The following TEAD1 variants were observed in gnomAD, a reference collection of about 807,000 sequenced individuals.
TEAD1 encodes the protein transcriptional enhancer factor TEF-1.
Under a neutral mutation model 54.9 loss-of-function variants are expected in TEAD1, and 9 were observed. That is an observed-to-expected ratio of 0.16 (90% CI 0.10 to 0.29). The LOEUF (loss-of-function observed/expected upper bound fraction) is 0.29, where lower values mean the gene tolerates loss of function less well. TEAD1 is among the 10% of genes least tolerant of loss of function. The pLI, the probability that TEAD1 is intolerant of heterozygous loss-of-function variation, is 1.00. For missense variants in TEAD1, 387 were observed against 535.9 expected, an observed-to-expected ratio of 0.72 and a Z score of 2.74; for synonymous variants, 200 against 187.8, an observed-to-expected ratio of 1.07 and a Z score of -0.53.
intron 5 of TEAD1, chr11:12,879,001 C>A: frequency 1.0e-6 from 1 of 978,102 alleles, no homozygotes; most frequent in Non-Finnish European, 1.4e-6. Context: ...CTAGAAAAGA[C>A]CCGTTCAGGA....
At chr11:12,778,402 G>C (rs763146895) in intron 3 of TEAD1, among the ~76,000 whole-genome samples, 1 of 151,920 alleles carries the variant, frequency 6.6e-6, no homozygotes, top group African/African-American at 2.4e-5. Flanking sequence ...AACTCCTACT[G>C]GTCGTTAAAA....
At chr11:12,725,306 C>T (rs896746168) in intron 2 of TEAD1, among the ~76,000 whole-genome samples, 2 of 152,196 alleles carry the variant, frequency 1.3e-5, no homozygotes, top group African/African-American at 4.8e-5. Flanking sequence ...CCTGACCTTA[C>T]AATTTCTTTA....
chr11:12,731,383 A>G (rs1257365021), intron 2 of TEAD1, among the ~76,000 whole-genome samples: 4 of 152,220 alleles, frequency 2.6e-5, no homozygotes, highest in South Asian at 2.1e-4. Flanking sequence ...GTATCACACT[A>G]CTACTTAGTC....
At chr11:12,768,356 A>C (rs1392732585) in intron 3 of TEAD1, among the ~76,000 whole-genome samples, 1 of 152,250 alleles carries the variant, frequency 6.6e-6, no homozygotes, top group Non-Finnish European at 1.5e-5. Context: ...GCAATGTTTG[A>C]ACTGTATCTA....
At chr11:12,692,593 C>A (rs1190668519) in intron 2 of TEAD1, among the ~76,000 whole-genome samples, 1 of 151,762 alleles carries the variant, frequency 6.6e-6, no homozygotes, top group Non-Finnish European at 1.5e-5. Flanking sequence ...GGGTTTATTT[C>A]CCCCCCGCCC....
At chr11:12,684,061 C>A (rs1398302508) in intron 2 of TEAD1, among the ~76,000 whole-genome samples, 1 of 152,044 alleles carries the variant, frequency 6.6e-6, no homozygotes, top group Non-Finnish European at 1.5e-5. Flanking sequence ...GCCAAGTCAC[C>A]CTGGACAGTG....
Position 12,689,055 on chromosome 11 carries a change from A to C in TEAD1, c.-55+13494A>C, listed in dbSNP as rs201826283. 3.3e-5 allele frequency among the ~76,000 whole-genome samples: 5 copies of C among 150,082 alleles called. No homozygotes were observed. The East Asian group carries it at 9.7e-4, about 29-fold the overall frequency. On this transcript the variant is annotated intron_variant, in intron 2 of 12. Transcript: ENST00000527636. ...TGTTTATTTGTTTGTTTTGTTTTTA[A>C]ATTTTTAGTTTGACAGGCTATTTCC...
chr11:12,800,302 C>G (rs1343433164), intron 3 of TEAD1, among the ~76,000 whole-genome samples: 1 of 152,222 alleles, frequency 6.6e-6, no homozygotes, highest in Non-Finnish European at 1.5e-5. Flanking sequence ...TACCTCTTAG[C>G]TTTGTGATCT....
intron 2 of TEAD1, among the ~76,000 whole-genome samples, chr11:12,683,428 G>A (rs1943266596): frequency 6.6e-6 from 1 of 152,108 alleles, no homozygotes. Context: ...ATATTTTTTA[G>A]GAGCATGGAT....
At chr11:12,788,245 C>T (rs981247051) in intron 3 of TEAD1, among the ~76,000 whole-genome samples, 4 of 151,744 alleles carry the variant, frequency 2.6e-5, no homozygotes, top group African/African-American at 7.3e-5. Context: ...CAAGCAATTC[C>T]CCTGTCTCAC....
chr11:12,829,274 T>TG (rs1284298572), intron 3 of TEAD1, among the ~76,000 whole-genome samples: 1 of 152,200 alleles, frequency 6.6e-6, no homozygotes, highest in Non-Finnish European at 1.5e-5. Flanking sequence ...CCAAGGCAAT[T>TG]GTTCAAAACA....
intron 10 of TEAD1, 94 bp downstream of exon 10, chr11:12,902,207 C>T (rs1018111550): frequency 1.3e-6 from 2 of 1,494,034 alleles, no homozygotes; most frequent in African/African-American, 1.4e-5. Context: ...TTTGGATTTA[C>T]ACTGAGTGCA....
intron 2 of TEAD1, among the ~76,000 whole-genome samples, chr11:12,753,135 C>T (rs1590115957): frequency 6.6e-6 from 1 of 151,904 alleles, no homozygotes; most frequent in East Asian, 1.9e-4. Flanking sequence ...TGTTCCACAG[C>T]GCCCAGCCTG....
intron 3 of TEAD1, among the ~76,000 whole-genome samples, chr11:12,850,829 T>C (rs1188132907): frequency 6.6e-6 from 1 of 152,200 alleles, no homozygotes; most frequent in East Asian, 1.9e-4. Context: ...ATGTTAAGAT[T>C]AGCTTTTTTT....
At chr11:12,765,303 G>A (rs1945185029) in intron 3 of TEAD1, among the ~76,000 whole-genome samples, 1 of 152,178 alleles carries the variant, frequency 6.6e-6, no homozygotes, top group Non-Finnish European at 1.5e-5. Context: ...CTTTTGGGAA[G>A]CAGATGGCAG....
intron 2 of TEAD1, among the ~76,000 whole-genome samples, chr11:12,701,168 G>T (rs1943693448): frequency 6.6e-6 from 1 of 152,042 alleles, no homozygotes; most frequent in African/African-American, 2.4e-5. Context: ...TGGACAGATT[G>T]TGTTCTTAGA....
intron 3 of TEAD1, among the ~76,000 whole-genome samples, chr11:12,834,737 CAG>C (rs374975510): frequency 2.0e-5 from 3 of 150,646 alleles, no homozygotes; most frequent in Middle Eastern, 3.2e-3. Context: ...ATTGGGATTA[CAG>C]AGGTTCACAC....
At chr11:12,864,954 T>G (rs1313084030) in intron 5 of TEAD1, 54 bp downstream of exon 5, 1 of 1,592,260 alleles carries the variant, frequency 6.3e-7, no homozygotes, top group African/African-American at 1.3e-5. Flanking sequence ...CACTTCCTGT[T>G]TTCCATGGTG....
intron 2 of TEAD1, among the ~76,000 whole-genome samples, chr11:12,763,485 T>C (rs1375095653): frequency 6.6e-6 from 1 of 152,174 alleles, no homozygotes; most frequent in Admixed American, 6.5e-5. Context: ...TTCTACAGGG[T>C]AAAAGCCCCA....
Sources: allele counts gnomAD v4.1 joint callset (sites outside exome capture counted in the v4.1 genomes callset), GRCh38; gene constraint gnomAD v4.1.1; transcripts MANE v1.5; gene names NCBI Gene and HGNC (gene_info 2026-07-23, HGNC 2026-07-21).